The following MME variants were observed in gnomAD, a reference collection of about 807,000 sequenced individuals.
The protein encoded by MME is membrane metalloendopeptidase, also known as neprilysin.
MME carries 98 observed loss-of-function variants against 113.2 expected under a neutral mutation model. That is an observed-to-expected ratio of 0.87 (90% confidence interval 0.74 to 1.02). MME has a LOEUF of 1.02. Ranked by LOEUF, MME falls within the 50% of genes least tolerant of loss-of-function variation. MME has a pLI of 0.00. For synonymous variants in MME, 292 were observed against 300.6 expected (o/e 0.97, Z 0.30); for missense variants, 836 against 896.0 (o/e 0.93, Z 0.86).
At chr3:155,024,334 TGA>T (rs1712701580) in intron 1 of MME, 1 of 152,192 alleles carries the variant, frequency 6.6e-6, no homozygotes, top group Non-Finnish European at 1.5e-5. Context: ...TGTAAGTAGT[TGA>T]GTTTCATTTT....
At chr3:155,118,357 A>G (rs1188433733) in intron 7 of MME, among the ~76,000 whole-genome samples, 1 of 152,230 alleles carries the variant, frequency 6.6e-6, no homozygotes, top group African/African-American at 2.4e-5. Context: ...GAATGTTCCC[A>G]GGGGAGCACA....
chr3:155,026,619 G>T (rs1375912836), intron 1 of MME, among the ~76,000 whole-genome samples: 1 of 152,098 alleles, frequency 6.6e-6, no homozygotes, highest in Non-Finnish European at 1.5e-5. Flanking sequence ...AGCTACTTGG[G>T]AGCCTGAGGC....
chr3:155,154,884 A>AG (rs1363757946), intron 16 of MME, among the ~76,000 whole-genome samples: 1 of 152,202 alleles, frequency 6.6e-6, no homozygotes, highest in Non-Finnish European at 1.5e-5. Flanking sequence ...ATTTGTAAAA[A>AG]GGACTATTTG....
At position 155,116,687 on chromosome 3, in the gene MME, G is replaced by A. The variant is rs774622585; in HGVS notation, c.463G>A (p.Glu155Lys). 14 of 1,612,540 alleles carry A rather than the reference G, an allele frequency of 8.7e-6. No homozygotes were observed. The highest frequency in any genetic ancestry group is 1.1e-5 in the Non-Finnish European group (13 of 1,179,306). The change falls in exon 6 of 23, where the codon GAA becomes AAA. Residue 155 changes from glutamate to lysine, a missense_variant. By Grantham distance (56) the Glu-to-Lys change is moderately conservative (BLOSUM62 1). Coordinates refer to ENST00000360490, the MANE Select transcript of MME (RefSeq NM_007289.4). The part of the protein sequence containing the change: ...NESAIDSRGG[E>K]PLLKLLPDIY... ...AGCTGCTATTGATAGCAGAGGTGGA[G>A]AACCTCTACTCAAACTGTTACCAGA...
chr3:155,168,585 A>C lies in MME; in HGVS notation c.1874A>C (p.Gln625Pro), dbSNP rs1255817289. Residue 625 changes from glutamine to proline, a missense_variant, in exon 19 of 23, where the codon CAG becomes CCG. Transcript: ENST00000360490. The stretch of plus-strand genomic sequence containing the variant: ...GAGCAATCCCAGTGCATGGTGTATC[A>C]GTATGGAAACTTTTCCTGGGACCTG... The part of the protein sequence containing the change: ...FKEQSQCMVY[Q>P]YGNFSWDLAG... 6.2e-7 allele frequency: 1 copy of C among 1,613,884 alleles called. No homozygotes were observed. The highest frequency in any genetic ancestry group is 8.5e-7 in the Non-Finnish European group (1 of 1,179,848).
chr3:155,060,479 G>A (rs1042788457), intron 1 of MME, among the ~76,000 whole-genome samples: 1 of 152,060 alleles, frequency 6.6e-6, no homozygotes, highest in East Asian at 1.9e-4. Context: ...AACACTTCAC[G>A]ATCCTAGAGT....
At chr3:155,102,342 TG>T in intron 3 of MME, among the ~76,000 whole-genome samples, 1 of 152,252 alleles carries the variant, frequency 6.6e-6, no homozygotes, top group African/African-American at 2.4e-5. Context: ...TTTCCCTGGG[TG>T]GGGGTATACT....
intron 8 of MME, among the ~76,000 whole-genome samples, chr3:155,128,399 A>G (rs3773891): frequency 0.045 from 6,852 of 152,194 alleles, 431 homozygotes; most frequent in African/African-American, 0.15. Context: ...AAAGATGTCA[A>G]CCACCTTAAG....
chr3:155,041,065 A>G (rs758163352), intron 1 of MME, among the ~76,000 whole-genome samples: 2 of 152,170 alleles, frequency 1.3e-5, no homozygotes, highest in Non-Finnish European at 2.9e-5. Context: ...ATCTTTCTCA[A>G]GACAAAATTC....
intron 17 of MME, among the ~76,000 whole-genome samples, chr3:155,162,398 GA>G (rs1323628898): frequency 1.3e-5 from 2 of 152,150 alleles, no homozygotes; most frequent in African/African-American, 2.4e-5. Context: ...AAAGGAAAAA[GA>G]AGGTAAAAGT....
chr3:155,150,589 G>A (rs943024434), intron 16 of MME, among the ~76,000 whole-genome samples: 2 of 152,104 alleles, frequency 1.3e-5, no homozygotes, highest in Non-Finnish European at 2.9e-5. Context: ...AGCTGCACAT[G>A]ATAATCACCT....
At chr3:155,125,386 C>T (rs1719553506) in intron 8 of MME, among the ~76,000 whole-genome samples, 1 of 148,136 alleles carries the variant, frequency 6.8e-6, no homozygotes, top group Admixed American at 6.9e-5. Flanking sequence ...TTCTGCGTTG[C>T]TCACGCTGGG....
At chr3:155,067,503 G>A (rs1344476985) in intron 1 of MME, among the ~76,000 whole-genome samples, 2 of 151,608 alleles carry the variant, frequency 1.3e-5, no homozygotes, top group East Asian at 3.9e-4. Context: ...TGGAGACAGG[G>A]TTTCACCGTG....
chr3:155,122,375 GATTC>G (rs1253846502), intron 8 of MME, among the ~76,000 whole-genome samples: 2 of 141,448 alleles, frequency 1.4e-5, no homozygotes, highest in African/African-American at 2.6e-5. Flanking sequence ...CCAGCTCCTG[GATTC>G]ATTAATTTTT....
chr3:155,101,622 TC>T (rs1717234222), intron 3 of MME, among the ~76,000 whole-genome samples: 3 of 152,168 alleles, frequency 2.0e-5, no homozygotes, highest in Admixed American at 1.3e-4. Flanking sequence ...GGGACTGAAA[TC>T]TAGCTTAGCT....
At chr3:155,029,571 A>G (rs1448767703) in intron 1 of MME, among the ~76,000 whole-genome samples, 2 of 152,024 alleles carry the variant, frequency 1.3e-5, no homozygotes, top group Admixed American at 1.3e-4. Flanking sequence ...CAAGTCAAGC[A>G]AGTATCAAAA....
At chr3:155,158,055 A>T (rs1208877862) in intron 16 of MME, among the ~76,000 whole-genome samples, 1 of 152,138 alleles carries the variant, frequency 6.6e-6, no homozygotes, top group Non-Finnish European at 1.5e-5. Context: ...GATGGATAAT[A>T]TATAAACTTC....
chr3:155,126,730 T>C (rs879580762), intron 8 of MME, among the ~76,000 whole-genome samples: 19 of 152,144 alleles, frequency 1.2e-4, no homozygotes, highest in Non-Finnish European at 1.8e-4. Context: ...CTGGGCGCAG[T>C]GGCTCATGCC....
intron 8 of MME, among the ~76,000 whole-genome samples, chr3:155,121,423 A>G (rs1287935110): frequency 1.3e-5 from 2 of 150,858 alleles, no homozygotes; most frequent in Non-Finnish European, 3.0e-5. Flanking sequence ...TCTCTTGCCT[A>G]ATTGCCCTGG....
Sources: allele counts gnomAD v4.1 joint callset (sites outside exome capture counted in the v4.1 genomes callset), GRCh38; gene constraint gnomAD v4.1.1; transcripts MANE v1.5; gene names NCBI Gene and HGNC (gene_info 2026-07-23, HGNC 2026-07-21).